SLC35F1: variants seen among roughly 807,000 people sequenced by gnomAD.
SLC35F1 encodes chromosome 6 open reading frame 169.
Under a neutral mutation model 48.7 loss-of-function variants are expected in SLC35F1, and 14 were observed. The ratio of observed to expected loss-of-function variants is 0.29; its 90% confidence interval spans 0.19 to 0.45. SLC35F1 has a LOEUF of 0.45. Ranked by LOEUF, SLC35F1 falls within the 20% of genes least tolerant of loss-of-function variation. The pLI is 1.00. For missense variants in SLC35F1, 404 were observed against 500.0 expected, an observed-to-expected ratio of 0.81 and a Z score of 1.83; for synonymous variants, 190 against 202.2, an observed-to-expected ratio of 0.94 and a Z score of 0.51.
intron 3 of SLC35F1, among the ~76,000 whole-genome samples, chr6:118,256,208 GTGT>G (rs1562341187): frequency 0.093 from 1,319 of 14,186 alleles, 23 homozygotes; most frequent in African/African-American, 0.11. Flanking sequence ...GACTTCTGGT[GTGT>G]GTGTGTGTGT....
intron 3 of SLC35F1, among the ~76,000 whole-genome samples, chr6:118,237,724 C>G (rs1474968933): frequency 6.6e-6 from 1 of 152,140 alleles, no homozygotes; most frequent in African/African-American, 2.4e-5. Flanking sequence ...TTATAATGTC[C>G]TTCATATTCA....
intron 2 of SLC35F1, among the ~76,000 whole-genome samples, chr6:118,204,231 G>A (rs116858404): frequency 2.6e-5 from 4 of 150,988 alleles, no homozygotes; most frequent in African/African-American, 4.9e-5. Context: ...AGAGTGAGCC[G>A]AGTGGGATTG....
chr6:117,929,651 G>A (rs1288846498), intron 1 of SLC35F1, among the ~76,000 whole-genome samples: 2 of 151,982 alleles, frequency 1.3e-5, no homozygotes, highest in Admixed American at 1.3e-4. Context: ...TTCTTCTCTG[G>A]AAAACTTCAG....
chr6:118,114,094 C>T (rs1221265282), intron 1 of SLC35F1, among the ~76,000 whole-genome samples: 1 of 152,100 alleles, frequency 6.6e-6, no homozygotes. Flanking sequence ...GAGATATATG[C>T]CAGTATTATC....
intron 1 of SLC35F1, among the ~76,000 whole-genome samples, chr6:118,049,766 G>T (rs1035982993): frequency 6.6e-6 from 1 of 151,892 alleles, no homozygotes; most frequent in African/African-American, 2.4e-5. Flanking sequence ...CACTGTTGGT[G>T]GGACTGTAAA....
At chr6:118,060,657 A>G (rs1451212341) in intron 1 of SLC35F1, among the ~76,000 whole-genome samples, 7 of 152,214 alleles carry the variant, frequency 4.6e-5, no homozygotes, top group Non-Finnish European at 1.0e-4. Flanking sequence ...TGTATGAATG[A>G]ATGAACGAAT....
chr6:118,145,346 A>G (rs118006047), intron 1 of SLC35F1, among the ~76,000 whole-genome samples: 29 of 152,328 alleles, frequency 1.9e-4, no homozygotes, highest in South Asian at 2.1e-4. Context: ...ACTTATGTGG[A>G]TCTGGTTAAA....
At chr6:118,013,948 A>G (rs983911793) in intron 1 of SLC35F1, among the ~76,000 whole-genome samples, 4 of 152,222 alleles carry the variant, frequency 2.6e-5, no homozygotes, top group African/African-American at 7.2e-5. Flanking sequence ...TGGGTGTTAT[A>G]CAAATTCAGA....
At chr6:118,122,539 T>C (rs2114404488) in intron 1 of SLC35F1, among the ~76,000 whole-genome samples, 1 of 152,236 alleles carries the variant, frequency 6.6e-6, no homozygotes, top group African/African-American at 2.4e-5. Flanking sequence ...GCTTGGAAAA[T>C]GAGATGTGCA....
intron 1 of SLC35F1, among the ~76,000 whole-genome samples, chr6:118,013,666 G>A (rs186142443): frequency 3.3e-5 from 5 of 152,050 alleles, no homozygotes; most frequent in Non-Finnish European, 7.4e-5. Flanking sequence ...TGAAGCAATC[G>A]GTTTTTGATT....
intron 1 of SLC35F1, among the ~76,000 whole-genome samples, chr6:117,944,345 G>C (rs1357860416): frequency 6.6e-6 from 1 of 151,842 alleles, no homozygotes; most frequent in Non-Finnish European, 1.5e-5. Context: ...AATCATCTCA[G>C]AGATCAACCT....
intron 1 of SLC35F1, among the ~76,000 whole-genome samples, chr6:118,116,090 A>T (rs1475062011): frequency 6.6e-6 from 1 of 152,220 alleles, no homozygotes; most frequent in Admixed American, 6.5e-5. Flanking sequence ...TGATAAAAGA[A>T]GTATTTCAAA....
At chr6:118,090,316 A>G (rs1212257424) in intron 1 of SLC35F1, among the ~76,000 whole-genome samples, 1 of 152,168 alleles carries the variant, frequency 6.6e-6, no homozygotes, top group Non-Finnish European at 1.5e-5. Flanking sequence ...ATGAGGATGT[A>G]GTGGTGAATA....
intron 1 of SLC35F1, among the ~76,000 whole-genome samples, chr6:118,124,238 C>T (rs189865186): frequency 3.9e-5 from 6 of 152,190 alleles, no homozygotes; most frequent in Admixed American, 3.3e-4. Flanking sequence ...TCTTTCAACC[C>T]TAAAATGAAA....
At chr6:117,981,735 A>G (rs979052040) in intron 1 of SLC35F1, among the ~76,000 whole-genome samples, 1 of 152,224 alleles carries the variant, frequency 6.6e-6, no homozygotes, top group African/African-American at 2.4e-5. Context: ...GTTAAGCTTT[A>G]CATTTTCTAA....
At chr6:118,272,970 T>C (rs1216571496) in intron 4 of SLC35F1, among the ~76,000 whole-genome samples, 1 of 151,478 alleles carries the variant, frequency 6.6e-6, no homozygotes, top group East Asian at 1.9e-4. Flanking sequence ...TTTAATTATG[T>C]TTAATTAACT....
intron 1 of SLC35F1, among the ~76,000 whole-genome samples, chr6:118,098,533 T>A (rs1306516740): frequency 6.6e-6 from 1 of 152,216 alleles, no homozygotes; most frequent in African/African-American, 2.4e-5. Context: ...TGTTGTTCAA[T>A]CAGTTTCCCT....
intron 2 of SLC35F1, among the ~76,000 whole-genome samples, chr6:118,186,463 T>C (rs1774658457): frequency 6.6e-6 from 1 of 151,818 alleles, no homozygotes; most frequent in African/African-American, 2.4e-5. Flanking sequence ...TGCATTGCCA[T>C]AGCTGCATGG....
rs551855546 is a variant in SLC35F1 at position 118,164,979 on chromosome 6, G to A, written c.349+10359G>A. On this transcript the variant is annotated intron_variant, in intron 2 of 7. Transcript: ENST00000360388. ...CAAGCTCAGAGACCCCTCCCCCAGG[G>A]TATAGAGTCAGAGATTTTCTGCCTG... 3.3e-5 allele frequency among the ~76,000 whole-genome samples: 5 copies of A among 152,224 alleles called. No homozygotes were observed. The East Asian group carries it at 7.7e-4, about 24-fold the overall frequency.
Sources: gnomAD v4.1 joint callset for allele counts (sites outside exome capture counted in the v4.1 genomes callset) on GRCh38, gnomAD v4.1.1 for gene constraint, MANE v1.5 for transcripts, NCBI Gene and HGNC (gene_info 2026-07-23, HGNC 2026-07-21) for gene names.